Variants in DNAAF3 observed in about 807,000 individuals in gnomAD.
The protein encoded by DNAAF3 is dynein axonemal assembly factor 3, also known as UPF0470 protein C19orf51.
Under a neutral mutation model 50.9 loss-of-function variants are expected in DNAAF3, and 40 were observed. That is an observed-to-expected ratio of 0.79 (90% CI 0.61 to 1.02). The LOEUF is 1.02. Ranked by LOEUF, DNAAF3 falls within the 50% of genes least tolerant of loss-of-function variation. DNAAF3 has a pLI of 0.00. For missense variants in DNAAF3, 763 were observed against 744.7 expected, an observed-to-expected ratio of 1.02 and a Z score of -0.29; for synonymous variants, 327 against 322.8, an observed-to-expected ratio of 1.01 and a Z score of -0.14.
Position 55,159,340 on chromosome 19 carries a change from T to C in DNAAF3, c.1348A>G (p.Thr450Ala). Reference sequence around the variant, plus strand: ...TGGGACTTGCAGAAACGTGCGAAGGTCTCTGAAGGCCTGGCCCCGGTCTGT... The same window carrying C: ...TGGGACTTGCAGAAACGTGCGAAGGCCTCTGAAGGCCTGGCCCCGGTCTGT... ...APQTGARPSETFARFCKSQES... is the reference protein window; with the variant it reads ...APQTGARPSEAFARFCKSQES... Residue 450 changes from threonine (T) to alanine (A), a missense_variant, in exon 12 of 12, where the codon ACC (threonine) becomes GCC (alanine). Transcript: ENST00000524407. 1 of 1,614,060 alleles carries C rather than the reference T, an allele frequency of 6.2e-7. No individual in the cohort carries two copies. The highest frequency in any genetic ancestry group is 8.5e-7 in the Non-Finnish European group (1 of 1,180,018).
intron 3 of DNAAF3, 37 bp downstream of exon 3, chr19:55,165,821 C>G: frequency 6.2e-7 from 1 of 1,605,662 alleles, no homozygotes; most frequent in Non-Finnish European, 8.5e-7. Context: ...CCCTCAAGGA[C>G]TCGGGAATCT....
At position 55,160,362 on chromosome 19, in the gene DNAAF3, G is replaced by A. The variant is rs73066627; in HGVS notation, c.1048+278C>T. Among the ~76,000 whole-genome samples, 11,573 of 152,282 alleles carry A rather than the reference G, an allele frequency of 0.076. 578 individuals carry two copies. The highest frequency in any genetic ancestry group is 0.13 in the Middle Eastern group (39 of 294). On this transcript the variant is annotated intron_variant, in intron 9 of 11. Transcript: ENST00000524407. The surrounding 1 kb of genome is among the most constrained non-coding windows in gnomAD (Gnocchi z 4.7). ...AGGAGGCCCAGCCAGGATCCAGGGT[G>A]TGGGAGGCTGTCCAAGGGGGAGCTG...
Position 55,161,934 on chromosome 19 carries a change from G to A in DNAAF3, c.481-109C>T, listed in dbSNP as rs2085844239. Reference sequence around the variant, plus strand: ...CCCAGAACAGGGGAACGATTCCCCCGTTTCTCGGATGGAAAAACTGAGGCT... The same window carrying A: ...CCCAGAACAGGGGAACGATTCCCCCATTTCTCGGATGGAAAAACTGAGGCT... On this transcript the variant is annotated intron_variant, in intron 5 of 11. Coordinates refer to ENST00000524407, the MANE Select transcript of DNAAF3 (RefSeq NM_001256715.2). This position sits in a 1 kb window ranked among gnomAD's most constrained non-coding sequence, Gnocchi z 6.4. The A allele has an allele frequency of 1.5e-6, 2 of 1,355,342 alleles. No individual in the cohort carries two copies. Among genetic ancestry groups the A allele is most frequent in the Non-Finnish European group, 1.9e-6 (2 of 1,054,420 alleles). The allele number at this position is 1,355,342 out of a possible 1,614,324, so 84.0% of individuals were successfully genotyped here.
In DNAAF3 at chr19:55,160,923, C is replaced by A; in HGVS notation, c.912+142G>T. On this transcript the variant is annotated intron_variant, in intron 8 of 11. Coordinates refer to ENST00000524407, the MANE Select transcript of DNAAF3 (RefSeq NM_001256715.2). The surrounding 1 kb of genome is among the most constrained non-coding windows in gnomAD (Gnocchi z 4.7). ...CGGGACCTATCCCGCGGGGATGGGG[C>A]CTGTTCTCTGAATGGAGTCGTTCCC... 2.8e-6 allele frequency: 4 copies of A among 1,450,944 alleles called. No homozygotes were observed. Among genetic ancestry groups the A allele is most frequent in the Non-Finnish European group, 3.6e-6 (4 of 1,103,352 alleles). The allele number at this position is 1,450,944 out of a possible 1,614,324, so 89.9% of individuals were successfully genotyped here. A position where few individuals can be genotyped will look rare whatever the true frequency, so the allele number is the denominator to read the frequency against.
Position 55,160,504 on chromosome 19 carries a change from A to T in DNAAF3, c.1048+136T>A. 7.0e-7 allele frequency: 1 copy of T among 1,435,822 alleles called. No homozygotes were observed. The highest frequency in any genetic ancestry group is 9.5e-7 in the Non-Finnish European group (1 of 1,049,392). 88.9% of individuals were successfully genotyped at this position (1,435,822 alleles called of 1,614,324 possible). On this transcript the variant is annotated intron_variant, in intron 9 of 11. Transcript: ENST00000524407. The surrounding 1 kb of genome is among the most constrained non-coding windows in gnomAD (Gnocchi z 4.7). ...TGCTCTCAGAATTTAGGAAAGGGAG[A>T]GAAAGAGAGAAAAAGAGACAGAATA...
chr19:55,162,956 C>A (rs902816570), intron 4 of DNAAF3: 14 of 151,046 alleles, frequency 9.3e-5, no homozygotes, highest in African/African-American at 2.9e-4. Context: ...GCATTAGCTA[C>A]CACACCCAGC....
chr19:55,159,520 C>G lies in DNAAF3; in HGVS notation c.1238+13G>C. 6.3e-7 allele frequency: 1 copy of G among 1,596,856 alleles called. No homozygotes were observed. The highest frequency in any genetic ancestry group is 8.5e-7 in the Non-Finnish European group (1 of 1,170,338). On this transcript the variant is annotated intron_variant, in intron 11 of 11. Transcript: ENST00000524407. The stretch of plus-strand genomic sequence containing the variant: ...AGCCAGGATGTTCCCCACCCTCCAC[C>G]CCACTGACTCACCGGGCTAATTCCA...
At chr19:55,162,096 G>A in intron 5 of DNAAF3, 37 bp downstream of exon 5, 1 of 1,240,164 alleles carries the variant, frequency 8.1e-7, no homozygotes, top group Non-Finnish European at 1.0e-6. Flanking sequence ...TTATTCCCGC[G>A]GCCACCCGAT....
Position 55,160,691 on chromosome 19 carries a change from C to T in DNAAF3, c.997G>A (p.Asp333Asn), listed in dbSNP as rs571791610. 4.3e-6 allele frequency: 7 copies of T among 1,612,846 alleles called. No individual in the cohort carries two copies. The East Asian group carries it at 1.1e-4, about 26-fold the overall frequency. Residue 333 changes from aspartate to asparagine, a missense_variant, in exon 9 of 12, where the codon GAC becomes AAC. Physicochemically the swap from Asp to Asn is conservative, Grantham distance 23. Coordinates refer to ENST00000524407, the MANE Select transcript of DNAAF3 (RefSeq NM_001256715.2). The surrounding 1 kb of genome is among the most constrained non-coding windows in gnomAD (Gnocchi z 4.7). ...TCCGCGTGCTGCTGCTCCTCCAGGTCCCCCCCGGTGGCTCTCGCGCGCCCC... is the reference window on the plus strand; with the variant it reads ...TCCGCGTGCTGCTGCTCCTCCAGGTTCCCCCCGGTGGCTCTCGCGCGCCCC... Reference protein sequence around the residue: ...AWGRARATGGDLEEQQHAEGS... With the variant: ...AWGRARATGGNLEEQQHAEGS...
chr19:55,161,547 C>G lies in DNAAF3; in HGVS notation c.663+96G>C. 2 of 1,474,614 alleles carry G rather than the reference C, an allele frequency of 1.4e-6. No individual in the cohort carries two copies. The highest frequency in any genetic ancestry group is 2.7e-5 in the South Asian group (2 of 73,092). The allele number at this position is 1,474,614 out of a possible 1,614,324, so 91.3% of individuals were successfully genotyped here. A position where few individuals can be genotyped will look rare whatever the true frequency, so the allele number is the denominator to read the frequency against. ...CTCCCTCAGACCCAGGAGTTCAGGC[C>G]CCCAAACCCTCCTCCCTCAGACTCA... On this transcript the variant is annotated intron_variant, in intron 6 of 11. Transcript: ENST00000524407. The surrounding 1 kb of genome is among the most constrained non-coding windows in gnomAD (Gnocchi z 6.4).
Position 55,158,925 on chromosome 19 carries a change from T to A in DNAAF3, c.*137A>T. 3 of 867,066 alleles carry A rather than the reference T, an allele frequency of 3.5e-6. No individual in the cohort carries two copies. The highest frequency in any genetic ancestry group is 4.3e-5 in the South Asian group (2 of 46,504). The allele number at this position is 867,066 out of a possible 1,614,324, so 53.7% of individuals were successfully genotyped here. A position where few individuals can be genotyped will look rare whatever the true frequency, so the allele number is the denominator to read the frequency against. The stretch of plus-strand genomic sequence containing the variant: ...TGAAAGTCTACCAACACTCCCGGGG[T>A]GGGGGTGGCGGGTACTGAGTGGGAA... On this transcript the variant is annotated 3_prime_UTR_variant, in exon 12 of 12. Coordinates refer to ENST00000524407, the MANE Select transcript of DNAAF3 (RefSeq NM_001256715.2).
intron 4 of DNAAF3, chr19:55,162,658 G>C (rs2085858737): frequency 3.0e-6 from 3 of 997,636 alleles, no homozygotes; most frequent in African/African-American, 3.5e-5. Context: ...CGCAGACAGA[G>C]AATATTTGGG....
In DNAAF3 at chr19:55,160,081, A is replaced by G. The variant is rs1211059331; in HGVS notation, c.1049-68T>C. The G allele has an allele frequency of 6.0e-5, 66 of 1,100,184 alleles. No homozygotes were observed. Among genetic ancestry groups the G allele is most frequent in the Non-Finnish European group, 8.9e-5 (64 of 718,420 alleles). The allele number at this position is 1,100,184 out of a possible 1,614,324, so 68.2% of individuals were successfully genotyped here. ...CATAAGGGCGGAAAACCAGAGAGAT[A>G]CACAGAGCTGGGCAGAGCTGGGCAG... On this transcript the variant is annotated intron_variant, in intron 9 of 11. Coordinates refer to ENST00000524407, the MANE Select transcript of DNAAF3 (RefSeq NM_001256715.2). This position sits in a 1 kb window ranked among gnomAD's most constrained non-coding sequence, Gnocchi z 4.7.
rs759951054 is a variant in DNAAF3, at chr19:55,165,909, G to A, written c.177C>T (p.His59=). The A allele has an allele frequency of 6.2e-6, 10 of 1,614,076 alleles. No individual in the cohort carries two copies. The African/African-American group carries it at 1.1e-4, about 17-fold the overall frequency. ...VLLLGSVDGR[H]LLRTLSRAKF... ...TCGCTCGGGACAGGGTCCGCAGCAG[G>A]TGCCGTCCATCCACAGAGCCCAGAA... Residue 59 remains histidine (H), a synonymous_variant, in exon 3 of 12, where the codon CAC becomes CAT. Transcript: ENST00000524407.
Position 55,160,936 on chromosome 19 carries a change from T to C in DNAAF3, c.912+129A>G. The C allele has an allele frequency of 6.9e-7, 1 of 1,449,272 alleles. No individual in the cohort carries two copies. Among genetic ancestry groups the C allele is most frequent in the South Asian group, 1.4e-5 (1 of 71,700 alleles). 89.8% of individuals were successfully genotyped at this position (1,449,272 alleles called of 1,614,324 possible). On this transcript the variant is annotated intron_variant, in intron 8 of 11. Transcript: ENST00000524407. The surrounding 1 kb of genome is among the most constrained non-coding windows in gnomAD (Gnocchi z 4.7). The stretch of plus-strand genomic sequence containing the variant: ...GCGGGGATGGGGCCTGTTCTCTGAA[T>C]GGAGTCGTTCCCACCAAGCGACGGG...
At position 55,161,309 on chromosome 19, in the gene DNAAF3, C is replaced by G. The variant is rs776223691; in HGVS notation, c.773G>C (p.Gly258Ala). Residue 258 changes from glycine (G) to alanine (A), a missense_variant, in exon 7 of 12, where the codon GGT becomes GCT. Physicochemically the swap from Gly to Ala is moderately conservative, Grantham distance 60. Coordinates refer to ENST00000524407, the MANE Select transcript of DNAAF3 (RefSeq NM_001256715.2). This position sits in a 1 kb window ranked among gnomAD's most constrained non-coding sequence, Gnocchi z 6.4. ...YHVPNRTLAS[G>A]RLLSYRGERV... Reference sequence around the variant, plus strand: ...GACACGCACGTAGCTCAGGAGGCGACCGGACGCCAGGGTCCGGTTGGGCAC... The same window carrying G: ...GACACGCACGTAGCTCAGGAGGCGAGCGGACGCCAGGGTCCGGTTGGGCAC... The G allele has an allele frequency of 3.5e-5, 56 of 1,610,268 alleles. No individual in the cohort carries two copies. The highest frequency in any genetic ancestry group is 1.3e-4 in the Admixed American group (8 of 59,572).
intron 5 of DNAAF3, 130 bp downstream of exon 5, chr19:55,162,003 G>A: frequency 3.7e-6 from 5 of 1,339,592 alleles, no homozygotes; most frequent in Non-Finnish European, 4.8e-6. Context: ...AAATCCCACA[G>A]TGGGAGTCGG....
At chr19:55,163,092 C>A (rs1246140577) in intron 4 of DNAAF3, among the ~76,000 whole-genome samples, 1 of 146,478 alleles carries the variant, frequency 6.8e-6, no homozygotes, top group Non-Finnish European at 1.5e-5. Flanking sequence ...TCACTGCAAG[C>A]TCCGCCTCCC....
intron 10 of DNAAF3, 42 bp from the exon 11 acceptor site, chr19:55,159,649 T>C (rs745881860): frequency 6.2e-7 from 1 of 1,611,046 alleles, no homozygotes; most frequent in Non-Finnish European, 8.5e-7. Flanking sequence ...CAGCTCCAAA[T>C]CCGGAGGGAG....
Sources: allele counts gnomAD v4.1 joint callset (sites outside exome capture counted in the v4.1 genomes callset), GRCh38; gene constraint gnomAD v4.1.1; non-coding constraint Gnocchi (gnomAD v3.1); transcripts MANE v1.5; gene names NCBI Gene and HGNC (gene_info 2026-07-23, HGNC 2026-07-21).